ATP6V0D1: variants seen among roughly 807,000 people sequenced by gnomAD.
ATP6V0D1 encodes V-type proton ATPase subunit d 1.
A neutral mutation model predicts 39.0 loss-of-function variants in ATP6V0D1; 13 were observed. The ratio of observed to expected loss-of-function variants is 0.33; its 90% confidence interval spans 0.22 to 0.53. The LOEUF (loss-of-function observed/expected upper bound fraction) is 0.53. Among genes scored for constraint, ATP6V0D1 ranks in the 20% least tolerant of loss-of-function variants. The probability of loss-of-function intolerance (pLI) is 0.94; values close to 1 mark genes in which losing one functional copy is unlikely to be tolerated. For synonymous variants in ATP6V0D1, 191 were observed against 191.2 expected (o/e 1.00, Z 0.01); for missense variants, 272 against 470.9 (o/e 0.58, Z 3.91).
At chr16:67,477,758 C>T (rs543065335) in intron 1 of ATP6V0D1, among the ~76,000 whole-genome samples, 1 of 152,044 alleles carries the variant, frequency 6.6e-6, no homozygotes, top group Non-Finnish European at 1.5e-5. Flanking sequence ...CTGCAAGCTC[C>T]GCCTCCCGGG....
At chr16:67,443,634 G>A (rs1400502335) in intron 3 of ATP6V0D1, among the ~76,000 whole-genome samples, 2 of 152,204 alleles carry the variant, frequency 1.3e-5, no homozygotes, top group Non-Finnish European at 2.9e-5. Context: ...GGTAGGCACA[G>A]ACCAGCGACC....
chr16:67,462,459 G>A (rs1156563659), intron 1 of ATP6V0D1, among the ~76,000 whole-genome samples: 1 of 152,218 alleles, frequency 6.6e-6, no homozygotes, highest in African/African-American at 2.4e-5. Context: ...ATGAGTAAGA[G>A]GTAAAGTGGT....
At chr16:67,479,913 G>A (rs77642331) in intron 1 of ATP6V0D1, among the ~76,000 whole-genome samples, 11 of 138,918 alleles carry the variant, frequency 7.9e-5, no homozygotes, top group Non-Finnish European at 1.3e-4. Flanking sequence ...AGAAGTCAAC[G>A]CCACGGCCGG....
chr16:67,478,752 T>A (rs2041438201), intron 1 of ATP6V0D1, among the ~76,000 whole-genome samples: 1 of 151,528 alleles, frequency 6.6e-6, no homozygotes. Context: ...TGTTGAGCAG[T>A]GTTATAGGAA....
At chr16:67,451,800 C>T (rs2041184044) in intron 2 of ATP6V0D1, among the ~76,000 whole-genome samples, 1 of 152,234 alleles carries the variant, frequency 6.6e-6, no homozygotes, top group Non-Finnish European at 1.5e-5. Context: ...TTGGTGCTTG[C>T]AGCCAACCTC....
intron 2 of ATP6V0D1, among the ~76,000 whole-genome samples, chr16:67,449,155 CCT>C (rs950389299): frequency 2.0e-5 from 3 of 152,244 alleles, no homozygotes; most frequent in Non-Finnish European, 4.4e-5. Context: ...CACTGAGGCC[CCT>C]GACACAAGAG....
chr16:67,474,092 G>A (rs765405375), intron 1 of ATP6V0D1, among the ~76,000 whole-genome samples: 16 of 152,186 alleles, frequency 1.1e-4, no homozygotes, highest in Non-Finnish European at 1.5e-4. Context: ...CAGTCTGCCT[G>A]TTAGACAGGC....
At chr16:67,464,491 C>T (rs2041314018) in intron 1 of ATP6V0D1, among the ~76,000 whole-genome samples, 3 of 152,198 alleles carry the variant, frequency 2.0e-5, no homozygotes, top group South Asian at 2.1e-4. Flanking sequence ...GTTCTAGCCT[C>T]GTCAGGCCCA....
intron 1 of ATP6V0D1, among the ~76,000 whole-genome samples, chr16:67,477,375 C>G (rs2041423891): frequency 6.6e-6 from 1 of 152,102 alleles, no homozygotes; most frequent in South Asian, 2.1e-4. Flanking sequence ...AAATGGATAT[C>G]TGATTACATT....
intron 1 of ATP6V0D1, among the ~76,000 whole-genome samples, chr16:67,472,773 G>A (rs2142333015): frequency 6.6e-6 from 1 of 152,248 alleles, no homozygotes; most frequent in Non-Finnish European, 1.5e-5. Flanking sequence ...GGGAGGCTGA[G>A]GCAGGAGAAT....
At chr16:67,478,613 C>CAAAA (rs1292018624) in intron 1 of ATP6V0D1, among the ~76,000 whole-genome samples, 1 of 51,420 alleles carries the variant, frequency 1.9e-5, no homozygotes, top group Non-Finnish European at 3.9e-5. Context: ...GACTCTGTCT[C>CAAAA]AAAAAAAAAA....
chr16:67,452,486 A>C (rs1226967789), intron 2 of ATP6V0D1: 8 of 1,281,168 alleles, frequency 6.2e-6, no homozygotes, highest in Non-Finnish European at 8.7e-6. Flanking sequence ...TGCAGGGACA[A>C]GTGGGGCAGG....
At chr16:67,474,192 G>A (rs2041397279) in intron 1 of ATP6V0D1, among the ~76,000 whole-genome samples, 1 of 152,184 alleles carries the variant, frequency 6.6e-6, no homozygotes, top group African/African-American at 2.4e-5. Context: ...TGACAGCAGG[G>A]AATGACCACA....
chr16:67,472,416 C>T (rs904780326), intron 1 of ATP6V0D1, among the ~76,000 whole-genome samples: 1 of 152,168 alleles, frequency 6.6e-6, no homozygotes, highest in Non-Finnish European at 1.5e-5. Flanking sequence ...TGCTTGTAGT[C>T]ACTAGATTGC....
chr16:67,451,189 A>T (rs1296576875), intron 2 of ATP6V0D1, among the ~76,000 whole-genome samples: 1 of 152,176 alleles, frequency 6.6e-6, no homozygotes, highest in African/African-American at 2.4e-5. Flanking sequence ...TCCTCCCGGC[A>T]GTGGAGGTAG....
intron 2 of ATP6V0D1, among the ~76,000 whole-genome samples, chr16:67,448,397 T>C (rs1158176990): frequency 1.3e-5 from 2 of 151,858 alleles, no homozygotes; most frequent in Non-Finnish European, 2.9e-5. Flanking sequence ...CTGTGGCTCA[T>C]GCCTGTTATC....
chr16:67,452,252 G>A, intron 2 of ATP6V0D1: 1 of 1,535,436 alleles, frequency 6.5e-7, no homozygotes, highest in Non-Finnish European at 8.7e-7. Context: ...ATGGAGGCCA[G>A]GGCAGCAAGG....
intron 1 of ATP6V0D1, among the ~76,000 whole-genome samples, chr16:67,473,821 C>A (rs952414748): frequency 2.6e-5 from 4 of 152,142 alleles, no homozygotes; most frequent in African/African-American, 9.7e-5. Flanking sequence ...CTGCACCCAG[C>A]CAATTTTTTG....
At chr16:67,472,762 C>T (rs939469615) in intron 1 of ATP6V0D1, among the ~76,000 whole-genome samples, 10 of 151,946 alleles carry the variant, frequency 6.6e-5, no homozygotes, top group East Asian at 3.9e-4. Flanking sequence ...GCCAGCTACT[C>T]GGGAGGCTGA....
Sources: gnomAD v4.1 joint callset for allele counts (sites outside exome capture counted in the v4.1 genomes callset) on GRCh38, gnomAD v4.1.1 for gene constraint, MANE v1.5 for transcripts, NCBI Gene and HGNC (gene_info 2026-07-23, HGNC 2026-07-21) for gene names.